PCDHA4: variants seen among roughly 807,000 people sequenced by gnomAD.
PCDHA4 encodes protocadherin alpha 4, also known as protocadherin alpha-4.
PCDHA4 carries 49 observed loss-of-function variants against 61.4 expected under a neutral mutation model. The observed-to-expected ratio is 0.80, with a 90% CI of 0.63 to 1.01. PCDHA4 has a LOEUF of 1.01. Ranked by LOEUF, PCDHA4 falls within the 50% of genes least tolerant of loss-of-function variation. PCDHA4 has a pLI of 0.00. For missense variants in PCDHA4, 1,254 were observed against 1,235.8 expected (o/e 1.01, Z -0.22); for synonymous variants, 590 against 550.3 (o/e 1.07, Z -1.01).
At chr5:140,939,672 A>T (rs573857311) in intron 1 of PCDHA4, among the ~76,000 whole-genome samples, 1 of 152,314 alleles carries the variant, frequency 6.6e-6, no homozygotes, top group Non-Finnish European at 1.5e-5. Context: ...ACCAACTTGT[A>T]TGTATGTGTG....
chr5:140,841,310 C>A (rs2150313272), intron 1 of PCDHA4: 14 of 1,550,808 alleles, frequency 9.0e-6, no homozygotes, highest in Non-Finnish European at 1.2e-5. Flanking sequence ...TGATAGGAAA[C>A]GACTATTTAA....
Position 140,807,793 on chromosome 5 carries a change from A to C in PCDHA4, c.606A>C (p.Arg202Ser). Residue 202 changes from arginine (R) to serine (S), a missense_variant, in exon 1 of 4, where the codon AGA (arginine) becomes AGC (serine). Coordinates refer to ENST00000530339, the MANE Select transcript of PCDHA4 (RefSeq NM_018907.4). ...TTATATTACGGAAATCTTTAGACAGAGAAGAAGCTCCGGAGATTTTTTTAG... is the reference window on the plus strand; with the variant it reads ...TTATATTACGGAAATCTTTAGACAGCGAAGAAGCTCCGGAGATTTTTTTAG... The part of the protein sequence containing the change: ...LGLILRKSLD[R>S]EEAPEIFLVL... 6.2e-7 allele frequency: 1 copy of C among 1,614,146 alleles called. No individual in the cohort carries two copies. The highest frequency in any genetic ancestry group is 8.5e-7 in the Non-Finnish European group (1 of 1,180,042).
In PCDHA4 at chr5:140,841,685, G is replaced by A. The variant is rs1332759626; in HGVS notation, c.2385+32113G>A. ...GCTGCAGGTTTTCCATGTGGACGTG[G>A]AGGTGAAGGATGTTAATGACAACCC... On this transcript the variant is annotated intron_variant, in intron 1 of 3. Transcript: ENST00000530339. 1.9e-6 allele frequency: 3 copies of A among 1,613,960 alleles called. No individual in the cohort carries two copies. The Admixed American group carries it at 5.0e-5, about 27-fold the overall frequency.
intron 1 of PCDHA4, among the ~76,000 whole-genome samples, chr5:140,977,260 T>C (rs2096752693): frequency 6.6e-6 from 1 of 152,226 alleles, no homozygotes. Flanking sequence ...TCTCAGCAGA[T>C]GTTACAGTCT....
chr5:140,929,324 T>A (rs781810168), intron 1 of PCDHA4: 1 of 1,540,130 alleles, frequency 6.5e-7, no homozygotes, highest in African/African-American at 1.4e-5. Flanking sequence ...GTCAATGCCA[T>A]GGTAAGCAAA....
chr5:140,934,236 T>C (rs532427064), intron 1 of PCDHA4, among the ~76,000 whole-genome samples: 1 of 152,290 alleles, frequency 6.6e-6, no homozygotes, highest in South Asian at 2.1e-4. Context: ...TTGTACTTAA[T>C]TGTGGAGATT....
chr5:140,896,854 C>T (rs1211925701), intron 1 of PCDHA4, among the ~76,000 whole-genome samples: 4 of 152,004 alleles, frequency 2.6e-5, no homozygotes, highest in Non-Finnish European at 5.9e-5. Context: ...TTTATGGGTA[C>T]ATAATAAGTG....
intron 1 of PCDHA4, among the ~76,000 whole-genome samples, chr5:140,889,975 T>A (rs2062445806): frequency 6.6e-6 from 1 of 152,182 alleles, no homozygotes; most frequent in African/African-American, 2.4e-5. Flanking sequence ...CTATCCAGTC[T>A]CCAGTTGTCT....
At chr5:140,845,678 G>T (rs1374984475) in intron 1 of PCDHA4, among the ~76,000 whole-genome samples, 3 of 149,382 alleles carry the variant, frequency 2.0e-5, no homozygotes, top group Non-Finnish European at 4.5e-5. Flanking sequence ...CATTGGTAAA[G>T]GATTTGTTAT....
At chr5:140,844,657 C>G (rs1252310311) in intron 1 of PCDHA4, among the ~76,000 whole-genome samples, 1 of 149,150 alleles carries the variant, frequency 6.7e-6, no homozygotes, top group South Asian at 2.1e-4. Context: ...TCTTGCAAAC[C>G]AAACATATAA....
chr5:140,852,930 G>A (rs1581296305), intron 1 of PCDHA4: 1 of 621,568 alleles, frequency 1.6e-6, no homozygotes, highest in East Asian at 1.3e-4. Context: ...CCAGGCTGGA[G>A]TGCAGTGGTG....
intron 2 of PCDHA4, among the ~76,000 whole-genome samples, chr5:140,979,327 C>T (rs1446940311): frequency 5.9e-5 from 9 of 152,078 alleles, no homozygotes; most frequent in African/African-American, 2.2e-4. Context: ...CTTTCTTTTC[C>T]TCCTTTAAAA....
intron 1 of PCDHA4, among the ~76,000 whole-genome samples, chr5:140,889,903 A>G (rs2062424264): frequency 6.6e-6 from 1 of 152,126 alleles, no homozygotes; most frequent in African/African-American, 2.4e-5. Flanking sequence ...CTACCTTGAG[A>G]TTGTCATACT....
At chr5:140,927,882 G>A in intron 1 of PCDHA4, 2 of 1,614,224 alleles carry the variant, frequency 1.2e-6, no homozygotes, top group Non-Finnish European at 1.7e-6. Context: ...TGGTGGAGGT[G>A]ACTGACGTGA....
At chr5:140,984,751 T>A (rs2097118127) in intron 3 of PCDHA4, among the ~76,000 whole-genome samples, 1 of 152,158 alleles carries the variant, frequency 6.6e-6, no homozygotes. Context: ...CAGATTTGAG[T>A]TGAATTCTAA....
intron 1 of PCDHA4, among the ~76,000 whole-genome samples, chr5:140,831,600 T>G (rs1316984188): frequency 2.0e-5 from 3 of 150,404 alleles, no homozygotes; most frequent in Non-Finnish European, 2.9e-5. Flanking sequence ...TGGGTGCAAG[T>G]GATCTGCCCA....
At chr5:140,861,115 A>G (rs1466747567) in intron 1 of PCDHA4, 1 of 152,586 alleles carries the variant, frequency 6.6e-6, no homozygotes, top group Non-Finnish European at 1.5e-5. Context: ...AAAACTACAA[A>G]CACCCATTAA....
At chr5:140,843,002 A>G in intron 1 of PCDHA4, 2 of 1,595,004 alleles carry the variant, frequency 1.3e-6, no homozygotes, top group Non-Finnish European at 1.7e-6. Context: ...CGAGAATGAC[A>G]ACGCGCCGGC....
intron 1 of PCDHA4, among the ~76,000 whole-genome samples, chr5:140,932,571 A>G (rs1308740705): frequency 1.3e-5 from 2 of 151,926 alleles, no homozygotes; most frequent in African/African-American, 4.8e-5. Context: ...AGACTTTCCC[A>G]TAGGGTAATT....
Sources: allele counts gnomAD v4.1 joint callset (sites outside exome capture counted in the v4.1 genomes callset), GRCh38; gene constraint gnomAD v4.1.1; transcripts MANE v1.5; gene names NCBI Gene and HGNC (gene_info 2026-07-23, HGNC 2026-07-21).